Variants in SYT7 observed in about 807,000 individuals in gnomAD.
SYT7 encodes the protein synaptotagmin 7.
Under a neutral mutation model 75.1 loss-of-function variants are expected in SYT7, and 29 were observed. The ratio of observed to expected loss-of-function variants is 0.39; its 90% CI spans 0.29 to 0.53. The LOEUF (loss-of-function observed/expected upper bound fraction) is 0.53, where lower values mean the gene tolerates loss of function less well. Ranked by LOEUF, SYT7 falls within the 20% of genes least tolerant of loss-of-function variation. The probability of loss-of-function intolerance (pLI) is 0.77; values close to 1 mark genes in which losing one functional copy is unlikely to be tolerated. For synonymous variants in SYT7, 376 were observed against 401.7 expected (o/e 0.94, Z 0.76); for missense variants, 693 against 953.2 (o/e 0.73, Z 3.59).
At chr11:61,545,029 G>T (rs1212429926) in intron 5 of SYT7, among the ~76,000 whole-genome samples, 1 of 152,174 alleles carries the variant, frequency 6.6e-6, no homozygotes, top group Non-Finnish European at 1.5e-5. Flanking sequence ...TGCTCCATTA[G>T]CTGGGAGTTC....
chr11:61,575,986 G>A (rs1417619782), intron 1 of SYT7, among the ~76,000 whole-genome samples: 1 of 152,120 alleles, frequency 6.6e-6, no homozygotes, highest in African/African-American at 2.4e-5. Flanking sequence ...CTCAGCTCCC[G>A]GTCCATTCTA....
chr11:61,571,727 A>G (rs1374280099), intron 1 of SYT7, among the ~76,000 whole-genome samples: 2 of 152,020 alleles, frequency 1.3e-5, no homozygotes, highest in East Asian at 3.9e-4. Context: ...AGGGAGAGAA[A>G]GGCATCAACT....
Position 61,518,664 on chromosome 11 carries a change from C to T in SYT7, c.2024G>A (p.Arg675Gln). Residue 675 changes from arginine (R) to glutamine (Q), a missense_variant, in exon 13 of 13, where the codon CGG becomes CAG. By Grantham distance (43) the Arg-to-Gln change is conservative. Coordinates refer to ENST00000539008, the MANE Select transcript of SYT7 (RefSeq NM_001365809.2). ...CTGGTGCCACTGGGCCACGGGCTGCCGGGGACGGGCAATCATGTCCTTCCA... is the reference window on the plus strand; with the variant it reads ...CTGGTGCCACTGGGCCACGGGCTGCTGGGGACGGGCAATCATGTCCTTCCA... The part of the protein sequence containing the change: ...KHWKDMIARP[R>Q]QPVAQWHQLK... 7 of 1,549,592 alleles carry T rather than the reference C, an allele frequency of 4.5e-6. No individual in the cohort carries two copies. The highest frequency in any genetic ancestry group is 1.4e-5 in the African/African-American group (1 of 73,120).
At chr11:61,541,474 G>A (rs1173207651) in intron 6 of SYT7, among the ~76,000 whole-genome samples, 1 of 152,128 alleles carries the variant, frequency 6.6e-6, no homozygotes, top group Non-Finnish European at 1.5e-5. Flanking sequence ...GGTGGGAATG[G>A]TTAAGGTTAG....
chr11:61,533,550 G>T, intron 7 of SYT7: 1 of 985,346 alleles, frequency 1.0e-6, no homozygotes, highest in Non-Finnish European at 1.2e-6. Flanking sequence ...GTGCCTCTCC[G>T]CGTCATTACC....
chr11:61,565,968 A>G (rs546277318), intron 1 of SYT7, among the ~76,000 whole-genome samples: 1 of 152,276 alleles, frequency 6.6e-6, no homozygotes, highest in Non-Finnish European at 1.5e-5. Flanking sequence ...CCAAGTGAGT[A>G]AACAGTGAAT....
At chr11:61,522,289 A>G (rs966611422) in intron 12 of SYT7, among the ~76,000 whole-genome samples, 4 of 151,098 alleles carry the variant, frequency 2.6e-5, no homozygotes, top group Admixed American at 6.6e-5. Context: ...TCCTGGGTAC[A>G]AGGGATTCTC....
intron 12 of SYT7, 100 bp from the exon 13 acceptor site, chr11:61,518,831 C>T: frequency 1.3e-6 from 1 of 792,808 alleles, no homozygotes; most frequent in Non-Finnish European, 1.9e-6. Flanking sequence ...ATACCCTAGC[C>T]TGTGGCCCCC....
rs1408155580 is a variant in SYT7, at chr11:61,551,927, T to C, written c.136-464A>G. ...AGCAGTGGGGGCGGGGAGAAGGCCA[T>C]GTCCCCAGTCCTGCTCGGGGCTGTG... On this transcript the variant is annotated intron_variant, in intron 2 of 12. Transcript: ENST00000539008. The surrounding 1 kb of genome is among the most constrained non-coding windows in gnomAD (Gnocchi z 5.3). Among the ~76,000 whole-genome samples the C allele has an allele frequency of 1.3e-5, 2 of 152,072 alleles. No individual in the cohort carries two copies. The highest frequency in any genetic ancestry group is 2.9e-5 in the Non-Finnish European group (2 of 67,978).
At chr11:61,549,870 G>A (rs1401175368) in intron 3 of SYT7, among the ~76,000 whole-genome samples, 2 of 151,740 alleles carry the variant, frequency 1.3e-5, no homozygotes, top group Non-Finnish European at 2.9e-5. Context: ...TGGGAATCCT[G>A]TCTCCTCTTG....
intron 7 of SYT7, among the ~76,000 whole-genome samples, chr11:61,536,127 G>C (rs1364612786): frequency 6.6e-6 from 1 of 152,108 alleles, no homozygotes; most frequent in Non-Finnish European, 1.5e-5. Context: ...GGATGGGTGG[G>C]CATGACGAGG....
rs2135269986 is a variant in SYT7 at position 61,546,191 on chromosome 11, G to A, written c.412C>T (p.Arg138Trp). 6.6e-7 allele frequency: 1 copy of A among 1,517,322 alleles called. No homozygotes were observed. The highest frequency in any genetic ancestry group is 8.8e-7 in the Non-Finnish European group (1 of 1,139,644). The allele number at this position is 1,517,322 out of a possible 1,614,324, so 94.0% of individuals were successfully genotyped here. ...AAGLAVEREG[R>W]LGEKPAPVPP... The stretch of plus-strand genomic sequence containing the variant: ...ACCGGTGCCGGCTTCTCCCCCAGCC[G>A]GCCTTCCCGCTCCACCGCCAGCCCC... Residue 138 changes from arginine (R) to tryptophan (W), a missense_variant, in exon 5 of 13, where the codon CGG (arginine) becomes TGG (tryptophan). Around this residue, in one of 2 missense-constraint regions of SYT7, gnomAD observed 487 missense variants for 593.2 expected, o/e 0.82. Transcript: ENST00000539008. The surrounding 1 kb of genome is among the most constrained non-coding windows in gnomAD (Gnocchi z 7.6).
At chr11:61,541,279 T>A (rs2063034619) in intron 6 of SYT7, 1 of 985,074 alleles carries the variant, frequency 1.0e-6, no homozygotes, top group Non-Finnish European at 1.2e-6. Flanking sequence ...ACCTGGGCGA[T>A]GGGAACAATC....
rs796802825 is a variant in SYT7 at position 61,545,964 on chromosome 11, C to T, written c.572+67G>A. The T allele has an allele frequency of 1.1e-4, 156 of 1,443,696 alleles. No homozygotes were observed. The African/African-American group carries it at 1.6e-3, about 15-fold the overall frequency. 89.4% of individuals were successfully genotyped at this position (1,443,696 alleles called of 1,614,324 possible). The stretch of plus-strand genomic sequence containing the variant: ...GCAGCAGCGGGCATGCCAGGGGTCC[C>T]GCTGTCCACCCTGGCAGGGCAGGCC... On this transcript the variant is annotated intron_variant, in intron 5 of 12. Transcript: ENST00000539008.
chr11:61,517,540 A>G lies in SYT7; in HGVS notation c.*1087T>C, dbSNP rs1429120452. 2 of 399,416 alleles carry G rather than the reference A, an allele frequency of 5.0e-6. No individual in the cohort carries two copies. Among genetic ancestry groups the G allele is most frequent in the Admixed American group, 4.4e-5 (1 of 22,704 alleles). 24.7% of individuals were successfully genotyped at this position (399,416 alleles called of 1,614,324 possible). ...TGGGGGATGGAGGGGTGGAGGAAAG[A>G]AGGGTGGAGGTCTGCACAGGCAGGG... On this transcript the variant is annotated 3_prime_UTR_variant, in exon 13 of 13. Transcript: ENST00000539008.
Position 61,528,012 on chromosome 11 carries a change from G to C in SYT7, c.1374C>G (p.Val458=), listed in dbSNP as rs748403598. ...KDFSGTSDPF[V]KIYLLPDKKH... is the part of the protein sequence containing the mutation. ...TCTTGTCGGGCAGCAGGTAGATCTT[G>C]ACGAAGGGGTCGCTGGTGCCGCTGA... Residue 458 remains valine, a synonymous_variant, in exon 9 of 13, where the codon GTC becomes GTG. Transcript: ENST00000539008. The C allele has an allele frequency of 6.2e-7, 1 of 1,614,168 alleles. No individual in the cohort carries two copies. Among genetic ancestry groups the C allele is most frequent in the Non-Finnish European group, 8.5e-7 (1 of 1,180,034 alleles).
At chr11:61,531,456 C>CG (rs1180604422) in intron 8 of SYT7, among the ~76,000 whole-genome samples, 1 of 151,328 alleles carries the variant, frequency 6.6e-6, no homozygotes. Context: ...GCCAGTCTTC[C>CG]TGGGGGGGGG....
Position 61,524,775 on chromosome 11 carries a change from G to A in SYT7, c.1472-243C>T. 2.2e-6 allele frequency: 1 copy of A among 456,552 alleles called. No individual in the cohort carries two copies. Among genetic ancestry groups the A allele is most frequent in the Non-Finnish European group, 3.9e-6 (1 of 256,056 alleles). 28.3% of individuals were successfully genotyped at this position (456,552 alleles called of 1,614,324 possible). ...ATGGCATCTCGTCCATCTTACAGAT[G>A]AGGCTCAGACGGCTTAAAGTACTTG... On this transcript the variant is annotated intron_variant, in intron 9 of 12. Coordinates refer to ENST00000539008, the MANE Select transcript of SYT7 (RefSeq NM_001365809.2). The surrounding 1 kb of genome is among the most constrained non-coding windows in gnomAD (Gnocchi z 4.1).
intron 7 of SYT7, among the ~76,000 whole-genome samples, chr11:61,536,158 C>T (rs184980917): frequency 9.8e-4 from 149 of 152,222 alleles, no homozygotes; most frequent in African/African-American, 3.3e-3. Flanking sequence ...ACGGTCCACT[C>T]GGAAAGTCAG....
Sources: allele counts gnomAD v4.1 joint callset (sites outside exome capture counted in the v4.1 genomes callset), GRCh38; gene constraint gnomAD v4.1.1; regional missense constraint gnomAD v4.1.1; non-coding constraint Gnocchi (gnomAD v3.1); transcripts MANE v1.5; gene names NCBI Gene and HGNC (gene_info 2026-07-23, HGNC 2026-07-21).